Variants in TUBAL3 observed in about 807,000 individuals in gnomAD.
TUBAL3 encodes tubulin alpha like 3.
Under a neutral mutation model 15.5 loss-of-function variants are expected in TUBAL3, and 16 were observed. The observed-to-expected ratio is 1.04, with a 90% CI of 0.70 to 1.57. The LOEUF (loss-of-function observed/expected upper bound fraction) is 1.57, where lower values mean the gene tolerates loss of function less well. TUBAL3 is among the 40% of genes most tolerant of loss of function. The pLI, the probability that TUBAL3 is intolerant of heterozygous loss-of-function variation, is 0.00. For missense variants in TUBAL3, 609 were observed against 576.2 expected (o/e 1.06, Z -0.58); for synonymous variants, 238 against 224.3 (o/e 1.06, Z -0.55).
chr10:5,401,198 G>A (rs782082863), intron 1 of TUBAL3, 111 bp from the exon 2 acceptor site: 31 of 1,318,582 alleles, frequency 2.4e-5, no homozygotes, highest in African/African-American at 1.6e-4. Flanking sequence ...TTAAGGCCAC[G>A]GAGGAATGTG....
In TUBAL3 at chr10:5,401,044, A is replaced by T. The variant is rs142016255; in HGVS notation, c.47T>A (p.Ile16Asn). Residue 16 changes from isoleucine (I) to asparagine (N), a missense_variant, in exon 2 of 4, where the codon ATT becomes AAT. By Grantham distance (149) the Ile-to-Asn change is moderately radical (BLOSUM62 -3). Transcript: ENST00000380419. ...SIHIGQAGIQ[I>N]GDACWELYCL... ...ATAGAGTTCCCAGCAGGCGTCCCCA[A>T]TCTGGATGCCAGCTTGACCGATGTG... 6 of 1,614,158 alleles carry T rather than the reference A, an allele frequency of 3.7e-6. No individual in the cohort carries two copies. In the East Asian group the frequency reaches 1.3e-4, roughly 36 times the overall value.
intron 2 of TUBAL3, among the ~76,000 whole-genome samples, chr10:5,398,771 TGGTTCATC>T (rs1831804569): frequency 6.6e-6 from 1 of 152,188 alleles, no homozygotes; most frequent in African/African-American, 2.4e-5. Flanking sequence ...TATTTTTTTT[TGGTTCATC>T]AGCTGTTGTT....
rs1342487617 is a variant in TUBAL3 at position 5,402,624 on chromosome 10, G to T, written c.4-1537C>A. ...CCGGGCCACAGACCAGTACCAGTCTGTGCCCTGTTAGGAACTGGGCTTTAC... is the reference window on the plus strand; with the variant it reads ...CCGGGCCACAGACCAGTACCAGTCTTTGCCCTGTTAGGAACTGGGCTTTAC... On this transcript the variant is annotated intron_variant, in intron 1 of 3. Coordinates refer to ENST00000380419, the MANE Select transcript of TUBAL3 (RefSeq NM_024803.3). Among the ~76,000 whole-genome samples the T allele has an allele frequency of 4.6e-5, 7 of 152,328 alleles. No individual in the cohort carries two copies. The East Asian group carries it at 1.3e-3, about 29-fold the overall frequency.
At chr10:5,403,166 T>C (rs1831881378) in intron 1 of TUBAL3, among the ~76,000 whole-genome samples, 1 of 152,178 alleles carries the variant, frequency 6.6e-6, no homozygotes, top group South Asian at 2.1e-4. Flanking sequence ...AGCACTTCAT[T>C]TAGGACAAAC....
chr10:5,394,035 G>A lies in TUBAL3; in HGVS notation c.823C>T (p.Pro275Ser), dbSNP rs782085561. ...NLVPYPRIHF[P>S]MTAFAPIVSA... is the part of the protein sequence containing the mutation. ...ACGATGGGGGCGAAGGCTGTCATGG[G>A]GAAATGTATTCTCGGATAAGGTACC... The change falls in exon 4 of 4, where the codon CCC (proline) becomes TCC (serine). Residue 275 changes from proline to serine, a missense_variant. Coordinates refer to ENST00000380419, the MANE Select transcript of TUBAL3 (RefSeq NM_024803.3). The surrounding 1 kb of genome is among the most constrained non-coding windows in gnomAD (Gnocchi z 4.3). 1.2e-5 allele frequency: 20 copies of A among 1,614,148 alleles called. No individual in the cohort carries two copies. In the South Asian group the frequency reaches 2.2e-4, roughly 18 times the overall value.
At position 5,395,427 on chromosome 10, in the gene TUBAL3, A is replaced by T. The variant is rs1554814038; in HGVS notation, c.296T>A (p.Leu99His). The T allele has an allele frequency of 6.2e-7, 1 of 1,603,836 alleles. No individual in the cohort carries two copies. The highest frequency in any genetic ancestry group is 1.3e-5 in the African/African-American group (1 of 74,426). ...QHRSLFHPEQ[L>H]LSGKEDAANN... ...AGCAGCATCCTCCTTTCCGCTAAGG[A>T]GCTGCTCGGGGTGGAAGAGTGAACG... is the stretch of plus-strand genomic sequence containing the variant. The change falls in exon 3 of 4, where the codon CTC becomes CAC. Residue 99 changes from leucine to histidine, a missense_variant. Transcript: ENST00000380419. The surrounding 1 kb of genome is among the most constrained non-coding windows in gnomAD (Gnocchi z 4.6).
chr10:5,400,868 CGAAGAGTGCTCTAGGCACAT>C lies in TUBAL3; in HGVS notation c.203_222del (p.His68ArgfsTer27). ...CCTATAACAGTTGGCTCCAAGTCCA[CGAAGAGTGCTCTAGGCACAT>C]GCTTCCCAGCTCTTGTCTCACAGAA... is the stretch of plus-strand genomic sequence containing the variant. On this transcript the variant is annotated frameshift_variant, in exon 2 of 4. Transcript: ENST00000380419. LOFTEE classifies it high-confidence loss of function. 6.2e-7 allele frequency: 1 copy of C among 1,614,184 alleles called. No homozygotes were observed. Among genetic ancestry groups the C allele is most frequent in the Non-Finnish European group, 8.5e-7 (1 of 1,180,026 alleles).
chr10:5,398,518 G>A (rs1348299191), intron 2 of TUBAL3, among the ~76,000 whole-genome samples: 1 of 151,014 alleles, frequency 6.6e-6, no homozygotes, highest in African/African-American at 2.4e-5. Flanking sequence ...AAGACTGCTT[G>A]AGCCCAGGAG....
chr10:5,404,082 T>C (rs1323134736), intron 1 of TUBAL3, among the ~76,000 whole-genome samples: 3 of 152,232 alleles, frequency 2.0e-5, no homozygotes, highest in African/African-American at 7.2e-5. Flanking sequence ...GTCTCTCTCA[T>C]GTTGAAAGGC....
In TUBAL3 at chr10:5,393,630, C is replaced by T; in HGVS notation, c.1228G>A (p.Ala410Thr). The part of the protein sequence containing the change: ...HKFDLMYAKR[A>T]FLHWYLREGM... The stretch of plus-strand genomic sequence containing the variant: ...TCTCTGAGGTACCAGTGCAGAAATG[C>T]TCTCTTGGCGTACATGAGGTCAAAC... The change falls in exon 4 of 4, where the codon GCA becomes ACA. Residue 410 changes from alanine to threonine, a missense_variant. Ala to Thr is a moderately conservative substitution (Grantham distance 58). Coordinates refer to ENST00000380419, the MANE Select transcript of TUBAL3 (RefSeq NM_024803.3). 2 of 1,614,190 alleles carry T rather than the reference C, an allele frequency of 1.2e-6. No individual in the cohort carries two copies. The highest frequency in any genetic ancestry group is 1.7e-6 in the Non-Finnish European group (2 of 1,180,030).
intron 1 of TUBAL3, among the ~76,000 whole-genome samples, chr10:5,403,116 G>A (rs1831881182): frequency 6.6e-6 from 1 of 152,160 alleles, no homozygotes; most frequent in South Asian, 2.1e-4. Context: ...CTTCCATCTT[G>A]TTTATTTTCT....
chr10:5,397,876 ACT>A lies in TUBAL3; in HGVS notation c.248-2403_248-2402del, dbSNP rs1554814298. On this transcript the variant is annotated intron_variant, in intron 2 of 3. Coordinates refer to ENST00000380419, the MANE Select transcript of TUBAL3 (RefSeq NM_024803.3). This position sits in a 1 kb window ranked among gnomAD's most constrained non-coding sequence, Gnocchi z 4.9. Reference sequence around the variant, plus strand: ...AGCCTGCCCCAGACCATCTTCCCAGACTCATCCCCTGCTTTGAGCTCCTGCTC... The same window carrying A: ...AGCCTGCCCCAGACCATCTTCCCAGACATCCCCTGCTTTGAGCTCCTGCTC... Among the ~76,000 whole-genome samples, 1 of 151,990 alleles carries A rather than the reference ACT, an allele frequency of 6.6e-6. No individual in the cohort carries two copies. The highest frequency in any genetic ancestry group is 6.6e-5 in the Admixed American group (1 of 15,250).
Position 5,400,886 on chromosome 10 carries a change from C to T in TUBAL3, c.205G>A (p.Val69Met), listed in dbSNP as rs1013676766. ...FFCETRAGKH[V>M]PRALFVDLEP... is the part of the protein sequence containing the mutation. ...AAGTCCACGAAGAGTGCTCTAGGCA[C>T]ATGCTTCCCAGCTCTTGTCTCACAG... Residue 69 changes from valine to methionine, a missense_variant, in exon 2 of 4, where the codon GTG becomes ATG. By Grantham distance (21) the Val-to-Met change is conservative. Transcript: ENST00000380419. The T allele has an allele frequency of 6.2e-7, 1 of 1,614,122 alleles. No individual in the cohort carries two copies. The highest frequency in any genetic ancestry group is 1.3e-5 in the African/African-American group (1 of 74,930).
chr10:5,404,607 T>A (rs1025716117), intron 1 of TUBAL3, among the ~76,000 whole-genome samples, 183 bp downstream of exon 1: 20 of 152,244 alleles, frequency 1.3e-4, no homozygotes, highest in Non-Finnish European at 2.6e-4. Context: ...TACAGAGGAA[T>A]AGATTACAGC....
intron 2 of TUBAL3, among the ~76,000 whole-genome samples, chr10:5,399,731 C>A (rs1161808510): frequency 6.6e-6 from 1 of 152,186 alleles, no homozygotes; most frequent in African/African-American, 2.4e-5. Flanking sequence ...TTTCTCCACC[C>A]CTCCCACTCT....
At position 5,395,438 on chromosome 10, in the gene TUBAL3, G is replaced by T. The variant is rs1402506021; in HGVS notation, c.285C>A (p.His95Gln). The T allele has an allele frequency of 1.2e-6, 2 of 1,600,026 alleles. No homozygotes were observed. Among genetic ancestry groups the T allele is most frequent in the Admixed American group, 1.7e-5 (1 of 58,932 alleles). Residue 95 changes from histidine (H) to glutamine (Q), a missense_variant, in exon 3 of 4, where the codon CAC becomes CAA. By Grantham distance (24) the His-to-Gln change is conservative (BLOSUM62 0). Transcript: ENST00000380419. This position sits in a 1 kb window ranked among gnomAD's most constrained non-coding sequence, Gnocchi z 4.6. ...CCTTTCCGCTAAGGAGCTGCTCGGG[G>T]TGGAAGAGTGAACGGTGCTGGCCCG... ...IRTGQHRSLF[H>Q]PEQLLSGKED...
In TUBAL3 at chr10:5,395,469, A is replaced by C. The variant is rs781928561; in HGVS notation, c.254T>G (p.Ile85Ser). 1.3e-6 allele frequency: 2 copies of C among 1,535,318 alleles called. No homozygotes were observed. Among genetic ancestry groups the C allele is most frequent in the East Asian group, 4.9e-5 (2 of 41,000 alleles). Residue 85 changes from isoleucine (I) to serine (S), a missense_variant, in exon 3 of 4, where the codon ATC becomes AGC. Transcript: ENST00000380419. This position sits in a 1 kb window ranked among gnomAD's most constrained non-coding sequence, Gnocchi z 4.6. ...VDLEPTVIDG[I>S]RTGQHRSLFH... is the part of the protein sequence containing the mutation. ...GAGTGAACGGTGCTGGCCCGTCCGG[A>C]TCCCATCTGCAGAGGGTGAAAGGAG...
rs1223939966 is a variant in TUBAL3 at position 5,393,147 on chromosome 10, G to A, written c.*370C>T. On this transcript the variant is annotated 3_prime_UTR_variant, in exon 4 of 4. Transcript: ENST00000380419. Reference sequence around the variant, plus strand: ...AATCAGTGTAAAAAATGTAGACATGGGGGAAAAAACATTCGTAATCAACAT... The same window carrying A: ...AATCAGTGTAAAAAATGTAGACATGAGGGAAAAAACATTCGTAATCAACAT... 1 of 181,564 alleles carries A rather than the reference G, an allele frequency of 5.5e-6. No individual in the cohort carries two copies. Among genetic ancestry groups the A allele is most frequent in the East Asian group, 1.5e-4 (1 of 6,700 alleles). The allele number at this position is 181,564 out of a possible 1,614,324, so 11.2% of individuals were successfully genotyped here. A position where few individuals can be genotyped will look rare whatever the true frequency, so the allele number is the denominator to read the frequency against.
At position 5,394,287 on chromosome 10, in the gene TUBAL3, G is replaced by C; in HGVS notation, c.571C>G (p.Pro191Ala). 2 of 1,614,120 alleles carry C rather than the reference G, an allele frequency of 1.2e-6. No homozygotes were observed. The highest frequency in any genetic ancestry group is 2.2e-5 in the South Asian group (2 of 91,070). Residue 191 changes from proline to alanine, a missense_variant, in exon 4 of 4, where the codon CCT becomes GCT. Coordinates refer to ENST00000380419, the MANE Select transcript of TUBAL3 (RefSeq NM_024803.3). This position sits in a 1 kb window ranked among gnomAD's most constrained non-coding sequence, Gnocchi z 4.3. Reference sequence around the variant, plus strand: ...TGGGTGGTGAGGACAGAGTTATAAGGCTCTACCACAGCAGTGGAGATCCTG... The same window carrying C: ...TGGGTGGTGAGGACAGAGTTATAAGCCTCTACCACAGCAGTGGAGATCCTG... ...APRISTAVVE[P>A]YNSVLTTHST...
Sources: allele counts gnomAD v4.1 joint callset (sites outside exome capture counted in the v4.1 genomes callset), GRCh38; gene constraint gnomAD v4.1.1; non-coding constraint Gnocchi (gnomAD v3.1); transcripts MANE v1.5; gene names NCBI Gene and HGNC (gene_info 2026-07-23, HGNC 2026-07-21).